The following KCNA5 variants were observed in gnomAD, a reference collection of about 807,000 sequenced individuals.
The protein encoded by KCNA5 is potassium voltage-gated channel subfamily A member 5, also known as cardiac potassium channel.
A neutral mutation model predicts 26.5 loss-of-function variants in KCNA5; 22 were observed. The ratio of observed to expected loss-of-function variants is 0.83; its 90% CI spans 0.59 to 1.18. The LOEUF (loss-of-function observed/expected upper bound fraction) is 1.18, where lower values mean the gene tolerates loss of function less well. KCNA5 is among the 50% of genes most tolerant of loss of function. KCNA5 has a pLI of 0.00. For missense variants in KCNA5, 916 were observed against 843.2 expected, an observed-to-expected ratio of 1.09 and a Z score of -1.07; for synonymous variants, 465 against 372.8, an observed-to-expected ratio of 1.25 and a Z score of -2.85.
chr12:5,045,902 G>T lies in KCNA5; in HGVS notation c.1755G>T (p.Lys585Asn). The part of the protein sequence containing the change: ...SARRGSCPLE[K>N]CNVKAKSNVD... Reference sequence around the variant, plus strand: ...GAAGGGGCAGCTGCCCCCTAGAGAAGTGTAACGTCAAGGCCAAGAGCAACG... The same window carrying T: ...GAAGGGGCAGCTGCCCCCTAGAGAATTGTAACGTCAAGGCCAAGAGCAACG... The change falls in exon 1 of 1, where the codon AAG becomes AAT. Residue 585 changes from lysine to asparagine, a missense_variant. Physicochemically the swap from Lys to Asn is moderately conservative, Grantham distance 94. Transcript: ENST00000252321. This position sits in a 1 kb window ranked among gnomAD's most constrained non-coding sequence, Gnocchi z 5.6. The T allele has an allele frequency of 6.2e-7, 1 of 1,614,040 alleles. No individual in the cohort carries two copies. Among genetic ancestry groups the T allele is most frequent in the Non-Finnish European group, 8.5e-7 (1 of 1,180,042 alleles).
In KCNA5 at chr12:5,045,440, G is replaced by A; in HGVS notation, c.1293G>A (p.Met431Ile). The A allele has an allele frequency of 1.2e-6, 2 of 1,614,192 alleles. No homozygotes were observed. Among genetic ancestry groups the A allele is most frequent in the Non-Finnish European group, 1.7e-6 (2 of 1,180,008 alleles). The change falls in exon 1 of 1, where the codon ATG (methionine) becomes ATA (isoleucine). Residue 431 changes from methionine to isoleucine, a missense_variant. By Grantham distance (10) the Met-to-Ile change is conservative (BLOSUM62 1). Coordinates refer to ENST00000252321, the MANE Select transcript of KCNA5 (RefSeq NM_002234.4). This position sits in a 1 kb window ranked among gnomAD's most constrained non-coding sequence, Gnocchi z 5.6. ...QILGKTLQAS[M>I]RELGLLIFFL... ...TGGGCAAGACCTTGCAGGCCTCCAT[G>A]AGGGAGCTGGGGCTGCTCATCTTCT...
Position 5,045,745 on chromosome 12 carries a change from C to T in KCNA5, c.1598C>T (p.Ala533Val), listed in dbSNP as rs923695301. The change falls in exon 1 of 1, where the codon GCA becomes GTA. Residue 533 changes from alanine to valine, a missense_variant. Physicochemically the swap from Ala to Val is moderately conservative, Grantham distance 64 (BLOSUM62 0). Coordinates refer to ENST00000252321, the MANE Select transcript of KCNA5 (RefSeq NM_002234.4). This position sits in a 1 kb window ranked among gnomAD's most constrained non-coding sequence, Gnocchi z 5.6. ...CGGGAAACGGATCACGAGGAGCCGG[C>T]AGTCCTTAAGGAAGAGCAGGGCACT... Reference protein sequence around the residue: ...YHRETDHEEPAVLKEEQGTQS... With the variant: ...YHRETDHEEPVVLKEEQGTQS... 1.2e-6 allele frequency: 2 copies of T among 1,614,170 alleles called. No homozygotes were observed. Among genetic ancestry groups the T allele is most frequent in the Non-Finnish European group, 1.7e-6 (2 of 1,180,046 alleles).
In KCNA5 at chr12:5,044,121, G is replaced by A. The variant is rs1862740144; in HGVS notation, c.-27G>A. ...GGGGCGCGGGAGCCGGTCAGCTGGG[G>A]CGCAGCATGCCCTCTGCTCCCGCGC... On this transcript the variant is annotated 5_prime_UTR_variant, in exon 1 of 1. Transcript: ENST00000252321. 5 of 1,533,476 alleles carry A rather than the reference G, an allele frequency of 3.3e-6. No homozygotes were observed. The highest frequency in any genetic ancestry group is 4.4e-6 in the Non-Finnish European group (5 of 1,146,204). 95.0% of individuals were successfully genotyped at this position (1,533,476 alleles called of 1,614,324 possible). A position where few individuals can be genotyped will look rare whatever the true frequency, so the allele number is the denominator to read the frequency against.
rs776392148 is a variant in KCNA5 at position 5,044,744 on chromosome 12, G to C, written c.597G>C (p.Glu199Asp). Residue 199 changes from glutamate (E) to aspartate (D), a missense_variant, in exon 1 of 1, where the codon GAG becomes GAC. Transcript: ENST00000252321. ...VNVSLDVFAD[E>D]IRFYQLGDEA... ...TCTCCCTGGACGTGTTCGCGGACGA[G>C]ATACGCTTCTACCAGCTGGGGGACG... is the stretch of plus-strand genomic sequence containing the variant. The C allele has an allele frequency of 4.3e-6, 7 of 1,614,200 alleles. No homozygotes were observed. In the South Asian group the frequency reaches 5.5e-5, roughly 13 times the overall value.
At position 5,044,733 on chromosome 12, in the gene KCNA5, T is replaced by G; in HGVS notation, c.586T>G (p.Phe196Val). The change falls in exon 1 of 1, where the codon TTC becomes GTC. Residue 196 changes from phenylalanine (F) to valine (V), a missense_variant. Transcript: ENST00000252321. Reference protein sequence around the residue: ...RRPVNVSLDVFADEIRFYQLG... With the variant: ...RRPVNVSLDVVADEIRFYQLG... Reference sequence around the variant, plus strand: ...GCCGGTCAACGTCTCCCTGGACGTGTTCGCGGACGAGATACGCTTCTACCA... The same window carrying G: ...GCCGGTCAACGTCTCCCTGGACGTGGTCGCGGACGAGATACGCTTCTACCA... The G allele has an allele frequency of 6.2e-7, 1 of 1,614,124 alleles. No homozygotes were observed. The highest frequency in any genetic ancestry group is 8.5e-7 in the Non-Finnish European group (1 of 1,180,002).
chr12:5,045,989 A>G lies in KCNA5; in HGVS notation c.1842A>G (p.Ter614TrpextTer18). 1 of 1,613,228 alleles carries G rather than the reference A, an allele frequency of 6.2e-7. No homozygotes were observed. Among genetic ancestry groups the G allele is most frequent in the Non-Finnish European group, 8.5e-7 (1 of 1,180,028 alleles). The change falls in exon 1 of 1, where the codon TGA becomes TGG. Residue 614 changes from the stop codon to tryptophan (W), a stop_lost. Transcript: ENST00000252321. The surrounding 1 kb of genome is among the most constrained non-coding windows in gnomAD (Gnocchi z 5.6). ...CLDTSRETDL[*>W] Reference sequence around the variant, plus strand: ...ACACCAGCCGGGAAACAGATTTGTGAAAGGAGATTCAGGCAGACTGGTGGC... The same window carrying G: ...ACACCAGCCGGGAAACAGATTTGTGGAAGGAGATTCAGGCAGACTGGTGGC...
chr12:5,044,781 C>T lies in KCNA5; in HGVS notation c.634C>T (p.Arg212Cys), dbSNP rs77281462. Residue 212 changes from arginine (R) to cysteine (C), a missense_variant, in exon 1 of 1, where the codon CGC becomes TGC. By Grantham distance (180) the Arg-to-Cys change is radical (BLOSUM62 -3). Transcript: ENST00000252321. Reference sequence around the variant, plus strand: ...CCAGCTGGGGGACGAGGCCATGGAGCGCTTCCGCGAGGATGAGGGCTTCAT... The same window carrying T: ...CCAGCTGGGGGACGAGGCCATGGAGTGCTTCCGCGAGGATGAGGGCTTCAT... ...FYQLGDEAME[R>C]FREDEGFIKE... 2.1e-4 allele frequency: 335 copies of T among 1,614,188 alleles called. 1 individual carries two copies. The highest frequency in any genetic ancestry group is 2.1e-3 in the African/African-American group (155 of 75,056).
Position 5,044,524 on chromosome 12 carries a change from T to A in KCNA5, c.377T>A (p.Ile126Asn), listed in dbSNP as rs1862747573. ...SLHHQRVHIN[I>N]SGLRFETQLG... ...CACCACCAGCGCGTCCACATCAACA[T>A]CTCCGGGCTGCGCTTTGAGACGCAG... The change falls in exon 1 of 1, where the codon ATC becomes AAC. Residue 126 changes from isoleucine (I) to asparagine (N), a missense_variant. Coordinates refer to ENST00000252321, the MANE Select transcript of KCNA5 (RefSeq NM_002234.4). 6.2e-7 allele frequency: 1 copy of A among 1,613,524 alleles called. No individual in the cohort carries two copies. Among genetic ancestry groups the A allele is most frequent in the Non-Finnish European group, 8.5e-7 (1 of 1,179,872 alleles).
At position 5,045,285 on chromosome 12, in the gene KCNA5, C is replaced by T; in HGVS notation, c.1138C>T (p.Gln380Ter). 1 of 1,614,212 alleles carries T rather than the reference C, an allele frequency of 6.2e-7. No homozygotes were observed. The highest frequency in any genetic ancestry group is 8.5e-7 in the Non-Finnish European group (1 of 1,180,026). Residue 380 changes from glutamine (Q) to a stop codon, truncating the protein, a stop_gained, in exon 1 of 1, where the codon CAG becomes TAG. Transcript: ENST00000252321. LOFTEE classifies it high-confidence loss of function. The surrounding 1 kb of genome is among the most constrained non-coding windows in gnomAD (Gnocchi z 5.6). ...CCTGGGCACCGAACTGGCAGAGCAG[C>T]AGCCAGGGGGTGGAGGAGGCGGCCA... The part of the protein sequence containing the change: ...ITLGTELAEQ[Q>*]PGGGGGGQNG...
Position 5,044,255 on chromosome 12 carries a change from TC to T in KCNA5, c.113del (p.Pro38ArgfsTer122). Reference protein sequence around the residue: ...GQATGGELQCPPTAGLSDGPK... With the variant: ...GQATGGELQCXPTAGLSDGPK... ...AGGCCACAGGGGGAGAGCTCCAGTG[TC>T]CCCCGACGGCTGGGCTCAGCGATGG... On this transcript the variant is annotated frameshift_variant, in exon 1 of 1. Coordinates refer to ENST00000252321, the MANE Select transcript of KCNA5 (RefSeq NM_002234.4). LOFTEE classifies it high-confidence loss of function. 1.3e-6 allele frequency: 2 copies of T among 1,540,152 alleles called. No homozygotes were observed.
Position 5,046,105 on chromosome 12 carries a change from C to G in KCNA5, c.*116C>G. On this transcript the variant is annotated 3_prime_UTR_variant, in exon 1 of 1. Transcript: ENST00000252321. ...GTCACACTGTAACCTCAGTCTACCC[C>G]TCTCCTTTCACTCCTTTCCTCCCTC... is the stretch of plus-strand genomic sequence containing the variant. The G allele has an allele frequency of 7.9e-7, 1 of 1,267,182 alleles. No homozygotes were observed. The highest frequency in any genetic ancestry group is 2.0e-5 in the Admixed American group (1 of 50,830). 78.5% of individuals were successfully genotyped at this position (1,267,182 alleles called of 1,614,324 possible). A position where few individuals can be genotyped will look rare whatever the true frequency, so the allele number is the denominator to read the frequency against.
In KCNA5 at chr12:5,046,000, A is replaced by C; in HGVS notation, c.*11A>C. Reference sequence around the variant, plus strand: ...GAAACAGATTTGTGAAAGGAGATTCAGGCAGACTGGTGGCAGTGGAGTAGG... The same window carrying C: ...GAAACAGATTTGTGAAAGGAGATTCCGGCAGACTGGTGGCAGTGGAGTAGG... On this transcript the variant is annotated 3_prime_UTR_variant, in exon 1 of 1. Transcript: ENST00000252321. The surrounding 1 kb of genome is among the most constrained non-coding windows in gnomAD (Gnocchi z 5.6). 1 of 1,613,156 alleles carries C rather than the reference A, an allele frequency of 6.2e-7. No homozygotes were observed. Among genetic ancestry groups the C allele is most frequent in the Non-Finnish European group, 8.5e-7 (1 of 1,180,018 alleles).
chr12:5,044,722 C>T lies in KCNA5; in HGVS notation c.575C>T (p.Ser192Phe), dbSNP rs772279138. 1 of 1,614,056 alleles carries T rather than the reference C, an allele frequency of 6.2e-7. No individual in the cohort carries two copies. The highest frequency in any genetic ancestry group is 8.5e-7 in the Non-Finnish European group (1 of 1,180,046). The change falls in exon 1 of 1, where the codon TCC (serine) becomes TTC (phenylalanine). Residue 192 changes from serine (S) to phenylalanine (F), a missense_variant. Coordinates refer to ENST00000252321, the MANE Select transcript of KCNA5 (RefSeq NM_002234.4). ...GGRLRRPVNV[S>F]LDVFADEIRF... Reference sequence around the variant, plus strand: ...CGCCTGCGGAGGCCGGTCAACGTCTCCCTGGACGTGTTCGCGGACGAGATA... The same window carrying T: ...CGCCTGCGGAGGCCGGTCAACGTCTTCCTGGACGTGTTCGCGGACGAGATA...
chr12:5,044,710 C>A lies in KCNA5; in HGVS notation c.563C>A (p.Pro188Gln), dbSNP rs1408883560. 1.2e-6 allele frequency: 2 copies of A among 1,614,174 alleles called. No individual in the cohort carries two copies. The highest frequency in any genetic ancestry group is 1.1e-5 in the South Asian group (1 of 91,090). Residue 188 changes from proline to glutamine, a missense_variant, in exon 1 of 1, where the codon CCG (proline) becomes CAG (glutamine). Coordinates refer to ENST00000252321, the MANE Select transcript of KCNA5 (RefSeq NM_002234.4). ...YYQSGGRLRR[P>Q]VNVSLDVFAD... ...CAGTCCGGGGGCCGCCTGCGGAGGC[C>A]GGTCAACGTCTCCCTGGACGTGTTC...
rs1862775404 is a variant in KCNA5 at position 5,046,021 on chromosome 12, G to A, written c.*32G>A. The A allele has an allele frequency of 6.2e-7, 1 of 1,612,490 alleles. No individual in the cohort carries two copies. The highest frequency in any genetic ancestry group is 1.3e-5 in the African/African-American group (1 of 74,920). On this transcript the variant is annotated 3_prime_UTR_variant, in exon 1 of 1. Coordinates refer to ENST00000252321, the MANE Select transcript of KCNA5 (RefSeq NM_002234.4). ...ATTCAGGCAGACTGGTGGCAGTGGA[G>A]TAGGGAATGGGAGGCTTGCTGAACA...
Position 5,045,509 on chromosome 12 carries a change from C to T in KCNA5, c.1362C>T (p.Phe454=), listed in dbSNP as rs756619214. 1 of 1,614,230 alleles carries T rather than the reference C, an allele frequency of 6.2e-7. No homozygotes were observed. Among genetic ancestry groups the T allele is most frequent in the Non-Finnish European group, 8.5e-7 (1 of 1,180,048 alleles). Reference sequence around the variant, plus strand: ...TCCTCTTCTCCAGTGCCGTCTACTTCGCAGAGGCTGACAACCAGGGAACCC... The same window carrying T: ...TCCTCTTCTCCAGTGCCGTCTACTTTGCAGAGGCTGACAACCAGGGAACCC... ...GVILFSSAVY[F]AEADNQGTHF... The change falls in exon 1 of 1, where the codon TTC becomes TTT. Residue 454 remains phenylalanine (F), a synonymous_variant. Coordinates refer to ENST00000252321, the MANE Select transcript of KCNA5 (RefSeq NM_002234.4). The surrounding 1 kb of genome is among the most constrained non-coding windows in gnomAD (Gnocchi z 5.6).
chr12:5,044,857 G>A lies in KCNA5; in HGVS notation c.710G>A (p.Trp237Ter). 1 of 1,614,050 alleles carries A rather than the reference G, an allele frequency of 6.2e-7. No individual in the cohort carries two copies. Among genetic ancestry groups the A allele is most frequent in the African/African-American group, 1.3e-5 (1 of 75,044 alleles). Reference protein sequence around the residue: ...LPRNEFQRQVWLIFEYPESSG... With the variant: ...LPRNEFQRQV Reference sequence around the variant, plus strand: ...CGCAACGAGTTCCAGCGCCAGGTGTGGCTTATCTTCGAGTATCCGGAGAGC... The same window carrying A: ...CGCAACGAGTTCCAGCGCCAGGTGTAGCTTATCTTCGAGTATCCGGAGAGC... The change falls in exon 1 of 1, where the codon TGG becomes TAG. Residue 237 changes from tryptophan to a stop codon, truncating the protein, a stop_gained. Coordinates refer to ENST00000252321, the MANE Select transcript of KCNA5 (RefSeq NM_002234.4). LOFTEE classifies it high-confidence loss of function.
In KCNA5 at chr12:5,045,749, C is replaced by T; in HGVS notation, c.1602C>T (p.Val534=). ...HRETDHEEPA[V]LKEEQGTQSQ... ...AAACGGATCACGAGGAGCCGGCAGT[C>T]CTTAAGGAAGAGCAGGGCACTCAGA... The change falls in exon 1 of 1, where the codon GTC becomes GTT. Residue 534 remains valine, a synonymous_variant. Transcript: ENST00000252321. This position sits in a 1 kb window ranked among gnomAD's most constrained non-coding sequence, Gnocchi z 5.6. 6.2e-7 allele frequency: 1 copy of T among 1,614,118 alleles called. No homozygotes were observed. The highest frequency in any genetic ancestry group is 8.5e-7 in the Non-Finnish European group (1 of 1,180,032).
In KCNA5 at chr12:5,045,475, T is replaced by C. The variant is rs1335752932; in HGVS notation, c.1328T>C (p.Ile443Thr). The C allele has an allele frequency of 6.2e-7, 1 of 1,614,196 alleles. No homozygotes were observed. The change falls in exon 1 of 1, where the codon ATC becomes ACC. Residue 443 changes from isoleucine to threonine, a missense_variant. Coordinates refer to ENST00000252321, the MANE Select transcript of KCNA5 (RefSeq NM_002234.4). This position sits in a 1 kb window ranked among gnomAD's most constrained non-coding sequence, Gnocchi z 5.6. ...GGGCTGCTCATCTTCTTCCTCTTCA[T>C]CGGGGTCATCCTCTTCTCCAGTGCC... ...ELGLLIFFLF[I>T]GVILFSSAVY...
Sources: gnomAD v4.1 joint callset for allele counts on GRCh38, gnomAD v4.1.1 for gene constraint, Gnocchi (gnomAD v3.1) non-coding constraint, MANE v1.5 for transcripts, NCBI Gene and HGNC (gene_info 2026-07-23, HGNC 2026-07-21) for gene names.